Variants in DAB1 observed in about 807,000 individuals in gnomAD.
DAB1 encodes DAB adaptor protein 1.
A neutral mutation model predicts 64.6 loss-of-function variants in DAB1; 15 were observed. The ratio of observed to expected loss-of-function variants is 0.23; its 90% CI spans 0.16 to 0.36. DAB1 has a LOEUF of 0.36. DAB1 is among the 10% of genes least tolerant of loss of function. DAB1 has a pLI of 1.00. For missense variants in DAB1, 596 were observed against 706.7 expected (o/e 0.84, Z 1.78); for synonymous variants, 235 against 251.9 (o/e 0.93, Z 0.64).
chr1:57,249,690 T>A (rs781646600), intron 2 of DAB1, among the ~76,000 whole-genome samples: 21 of 152,122 alleles, frequency 1.4e-4, no homozygotes, highest in Non-Finnish European at 2.8e-4. Context: ...ATGGTCCTAC[T>A]TACACTTTGA....
intron 7 of DAB1, among the ~76,000 whole-genome samples, chr1:57,505,778 C>T (rs537093085): frequency 2.8e-4 from 42 of 152,272 alleles, no homozygotes; most frequent in South Asian, 2.5e-3. Context: ...TCAGGCAAAC[C>T]TTCCACCTCA....
chr1:57,737,098 G>A (rs1281758338), intron 6 of DAB1, among the ~76,000 whole-genome samples: 1 of 152,196 alleles, frequency 6.6e-6, no homozygotes, highest in Non-Finnish European at 1.5e-5. Context: ...TTCTCAACAG[G>A]AGCTGTGGCT....
intron 2 of DAB1, among the ~76,000 whole-genome samples, chr1:57,229,278 C>T (rs1173319334): frequency 1.3e-5 from 2 of 151,076 alleles, no homozygotes; most frequent in African/African-American, 2.4e-5. Context: ...ACTGCAACCT[C>T]GACCTCCCAG....
In DAB1 at chr1:57,624,071, T is replaced by C. The variant is rs528802071; in HGVS notation, n.625+25521A>G. ...CCCCAGGCAAGCTGTTTCACCTCTCTGGGAGTCAAAGGGGAGAAAGTCCCT... is the reference window on the plus strand; with the variant it reads ...CCCCAGGCAAGCTGTTTCACCTCTCCGGGAGTCAAAGGGGAGAAAGTCCCT... On this transcript the variant is annotated intron_variant and non_coding_transcript_variant, in intron 7 of 20. Coordinates refer to the DAB1 transcript ENST00000485760. Among the ~76,000 whole-genome samples, 6 of 152,348 alleles carry C rather than the reference T, an allele frequency of 3.9e-5. No homozygotes were observed. In the East Asian group the frequency reaches 1.2e-3, roughly 29 times the overall value.
chr1:58,370,733 C>G (rs1236823482), intron 3 of DAB1, among the ~76,000 whole-genome samples: 1 of 152,132 alleles, frequency 6.6e-6, no homozygotes, highest in Non-Finnish European at 1.5e-5. Flanking sequence ...TTCCCCCATG[C>G]TGTGCTTGTG....
At chr1:58,070,099 A>G (rs1203632814) in intron 5 of DAB1, among the ~76,000 whole-genome samples, 2 of 152,176 alleles carry the variant, frequency 1.3e-5, no homozygotes, top group Non-Finnish European at 2.9e-5. Context: ...GAGCTGACAC[A>G]ATTTCAGATG....
At chr1:58,541,650 A>AAAAACC (rs1646622484) in intron 1 of DAB1, 2 of 144,238 alleles carry the variant, frequency 1.4e-5, no homozygotes, top group Admixed American at 7.0e-5. Context: ...AACCAAAAAC[A>AAAAACC]AAAAACAAAA....
chr1:57,917,375 A>G (rs1343379753), intron 5 of DAB1, among the ~76,000 whole-genome samples: 1 of 152,226 alleles, frequency 6.6e-6, no homozygotes, highest in African/African-American at 2.4e-5. Flanking sequence ...ATGAATCTTG[A>G]AAAAGGAAGG....
At chr1:58,419,684 T>G (rs1276267083) in intron 3 of DAB1, among the ~76,000 whole-genome samples, 2 of 152,186 alleles carry the variant, frequency 1.3e-5, no homozygotes, top group Non-Finnish European at 2.9e-5. Context: ...AACGCCCAAT[T>G]TGAGGACTGG....
chr1:58,252,216 G>A (rs1570542811), intron 4 of DAB1, among the ~76,000 whole-genome samples: 1 of 152,248 alleles, frequency 6.6e-6, no homozygotes, highest in East Asian at 1.9e-4. Flanking sequence ...CTTCTGTCCT[G>A]TCCAGGACCA....
intron 1 of DAB1, among the ~76,000 whole-genome samples, chr1:57,865,661 C>T (rs1239768329): frequency 6.6e-6 from 1 of 152,124 alleles, no homozygotes; most frequent in African/African-American, 2.4e-5. Flanking sequence ...CCTCACTATC[C>T]CCATCTGCTC....
intron 8 of DAB1, 89 bp downstream of exon 8, chr1:57,069,271 C>A: frequency 8.9e-7 from 1 of 1,117,782 alleles, no homozygotes. Context: ...CAGGAATGAC[C>A]AACAGAACCC....
At chr1:57,010,617 G>A in intron 14 of DAB1, 63 bp downstream of exon 14, 1 of 899,836 alleles carries the variant, frequency 1.1e-6, no homozygotes, top group Non-Finnish European at 1.6e-6. Flanking sequence ...CAGAAGTGAA[G>A]AACAACCAAA....
intron 2 of DAB1, among the ~76,000 whole-genome samples, chr1:57,254,983 G>T (rs1045879328): frequency 1.3e-5 from 2 of 151,894 alleles, no homozygotes; most frequent in Non-Finnish European, 2.9e-5. Context: ...TGTCCATAAC[G>T]TAGAAGGCAA....
intron 6 of DAB1, among the ~76,000 whole-genome samples, chr1:57,692,605 G>A (rs1003888140): frequency 2.6e-5 from 4 of 152,154 alleles, no homozygotes; most frequent in Admixed American, 6.5e-5. Flanking sequence ...TCCTTTAAAA[G>A]GCAGGGTAAA....
At chr1:58,207,897 G>A (rs999927121) in intron 4 of DAB1, among the ~76,000 whole-genome samples, 2 of 152,288 alleles carry the variant, frequency 1.3e-5, no homozygotes, top group African/African-American at 2.4e-5. Flanking sequence ...ACCTGAGACT[G>A]AGGAATTTAT....
intron 2 of DAB1, among the ~76,000 whole-genome samples, chr1:57,233,278 T>TTTG (rs1475129812): frequency 1.2e-5 from 1 of 84,870 alleles, no homozygotes; most frequent in Non-Finnish European, 2.8e-5. Context: ...TTTTTTTTTT[T>TTTG]TTGAGACGGA....
chr1:58,238,916 G>A (rs1375988480), intron 4 of DAB1, among the ~76,000 whole-genome samples: 1 of 152,078 alleles, frequency 6.6e-6, no homozygotes, highest in Non-Finnish European at 1.5e-5. Flanking sequence ...GCTTAGAAGG[G>A]CATGTTAAAA....
At chr1:57,963,185 G>T (rs1245762754) in intron 5 of DAB1, among the ~76,000 whole-genome samples, 1 of 152,012 alleles carries the variant, frequency 6.6e-6, no homozygotes, top group African/African-American at 2.4e-5. Context: ...TATTTTCCTG[G>T]GCTTAGAGTC....
Sources: allele counts gnomAD v4.1 joint callset (sites outside exome capture counted in the v4.1 genomes callset), GRCh38; gene constraint gnomAD v4.1.1; transcripts MANE v1.5; gene names NCBI Gene and HGNC (gene_info 2026-07-23, HGNC 2026-07-21).